Variants in HEMK2 observed in about 807,000 individuals in gnomAD.
HEMK2 encodes the protein HemK methyltransferase 2, ETF1 glutamine and histone H4 lysine, also known as methyltransferase HEMK2.
the HEMK2 span, among the ~76,000 whole-genome samples, chr21:28,660,972 T>C: frequency 6.6e-6 from 1 of 152,252 alleles, no homozygotes; most frequent in East Asian, 1.9e-4. Context: ...GGTAAATTTT[T>C]TTCTAGAAAT....
the HEMK2 span, among the ~76,000 whole-genome samples, chr21:28,866,411 T>C: frequency 6.7e-6 from 1 of 150,112 alleles, no homozygotes; most frequent in Non-Finnish European, 1.5e-5. Flanking sequence ...ATCATGTCAC[T>C]GCACTCCAGC....
the HEMK2 span, chr21:28,882,876 G>T: frequency 1.5e-6 from 1 of 645,396 alleles, no homozygotes; most frequent in Non-Finnish European, 2.4e-6. Context: ...CTGAGTTTTT[G>T]CTATGCTTAA....
chr21:28,781,780 G>C, the HEMK2 span, among the ~76,000 whole-genome samples: 3 of 152,194 alleles, frequency 2.0e-5, no homozygotes, highest in African/African-American at 7.2e-5. Flanking sequence ...CCACATGGCT[G>C]ATCTTCAGTC....
chr21:28,724,222 T>C, the HEMK2 span, among the ~76,000 whole-genome samples: 1 of 152,244 alleles, frequency 6.6e-6, no homozygotes, highest in Non-Finnish European at 1.5e-5. Context: ...CATAATCCCT[T>C]GCTCAAAGCT....
the HEMK2 span, among the ~76,000 whole-genome samples, chr21:28,779,800 CT>C: frequency 6.6e-6 from 1 of 152,156 alleles, no homozygotes; most frequent in Non-Finnish European, 1.5e-5. Context: ...AGGAATTTAA[CT>C]CCAAATACTC....
the HEMK2 span, among the ~76,000 whole-genome samples, chr21:28,751,162 C>T: frequency 2.0e-5 from 3 of 146,584 alleles, no homozygotes; most frequent in South Asian, 2.1e-4. Context: ...ACCCGGGAGG[C>T]GGAGCTTGCA....
At chr21:28,859,221 G>A in the HEMK2 span, among the ~76,000 whole-genome samples, 4 of 152,160 alleles carry the variant, frequency 2.6e-5, no homozygotes, top group African/African-American at 4.8e-5. Context: ...TTACACTCTA[G>A]TCTCAAAACT....
the HEMK2 span, among the ~76,000 whole-genome samples, chr21:28,751,352 T>C: frequency 1.3e-5 from 2 of 152,130 alleles, no homozygotes; most frequent in Non-Finnish European, 2.9e-5. Context: ...GAATTCTTCC[T>C]AAATGATCTT....
the HEMK2 span, among the ~76,000 whole-genome samples, chr21:28,652,757 T>G: frequency 6.6e-6 from 1 of 152,246 alleles, no homozygotes; most frequent in African/African-American, 2.4e-5. Flanking sequence ...CAGATTATCC[T>G]GAGATAAAAG....
the HEMK2 span, among the ~76,000 whole-genome samples, chr21:28,603,526 GTAT>G: frequency 4.9e-5 from 7 of 142,718 alleles, no homozygotes; most frequent in Admixed American, 5.0e-4. Flanking sequence ...CTCTTCCACA[GTAT>G]TATTTTACTG....
the HEMK2 span, among the ~76,000 whole-genome samples, chr21:28,865,132 A>T: frequency 1.3e-5 from 2 of 152,002 alleles, no homozygotes; most frequent in Non-Finnish European, 2.9e-5. Context: ...CATTCCCCAC[A>T]GCCAGAGTGA....
the HEMK2 span, among the ~76,000 whole-genome samples, chr21:28,625,323 C>A: frequency 1.4e-4 from 21 of 152,044 alleles, no homozygotes; most frequent in African/African-American, 4.8e-4. Context: ...TAAAATAAGC[C>A]CAGTAATCAA....
the HEMK2 span, among the ~76,000 whole-genome samples, chr21:28,754,203 C>T: frequency 2.6e-5 from 4 of 152,182 alleles, no homozygotes; most frequent in East Asian, 1.9e-4. Flanking sequence ...TTCACTTCCC[C>T]GAGTGAAGAG....
chr21:28,868,229 G>A, the HEMK2 span, among the ~76,000 whole-genome samples: 1 of 152,110 alleles, frequency 6.6e-6, no homozygotes, highest in South Asian at 2.1e-4. Flanking sequence ...ATCTAGGAGT[G>A]TCTAGGCTGT....
chr21:28,766,317 T>TAA, the HEMK2 span, among the ~76,000 whole-genome samples: 9 of 149,454 alleles, frequency 6.0e-5, no homozygotes, highest in Admixed American at 1.3e-4. Flanking sequence ...TTTTTTTTTT[T>TAA]AAAAAAGAAT....
chr21:28,753,445 C>T, the HEMK2 span, among the ~76,000 whole-genome samples: 1 of 151,920 alleles, frequency 6.6e-6, no homozygotes, highest in East Asian at 1.9e-4. Flanking sequence ...CATGTGCTTT[C>T]TTGCATATGG....
At chr21:28,637,909 G>C in the HEMK2 span, among the ~76,000 whole-genome samples, 1 of 152,138 alleles carries the variant, frequency 6.6e-6, no homozygotes, top group South Asian at 2.1e-4. Flanking sequence ...AAAGCAACTT[G>C]TTGTAAAGGA....
chr21:28,683,091 A>C, the HEMK2 span, among the ~76,000 whole-genome samples: 2 of 150,658 alleles, frequency 1.3e-5, no homozygotes, highest in African/African-American at 4.8e-5. Context: ...ATAAAATAAA[A>C]TTCTTTAAAA....
the HEMK2 span, among the ~76,000 whole-genome samples, chr21:28,603,543 A>AGG: frequency 4.9e-5 from 5 of 101,226 alleles, no homozygotes; most frequent in African/African-American, 2.0e-4. Context: ...TTTACTGAGG[A>AGG]TATATATGTG....
Sources: allele counts gnomAD v4.1 joint callset (sites outside exome capture counted in the v4.1 genomes callset), GRCh38; gene constraint gnomAD v4.1.1; transcripts MANE v1.5; gene names NCBI Gene and HGNC (gene_info 2026-07-23, HGNC 2026-07-21).